The following AFF1 variants were observed in gnomAD, a reference collection of about 807,000 sequenced individuals.
The protein encoded by AFF1 is AF4/FMR2 family member 1.
A neutral mutation model predicts 121.7 loss-of-function variants in AFF1; 48 were observed. The ratio of observed to expected loss-of-function variants is 0.39; its 90% CI spans 0.31 to 0.50. AFF1 has a LOEUF of 0.50. AFF1 is among the 20% of genes least tolerant of loss of function. AFF1 has a pLI of 0.76. For missense variants in AFF1, 1,523 were observed against 1,511.7 expected, an observed-to-expected ratio of 1.01 and a Z score of -0.12; for synonymous variants, 613 against 563.0, an observed-to-expected ratio of 1.09 and a Z score of -1.26.
chr4:86,964,459 G>A (rs1722390698), intron 2 of AFF1, among the ~76,000 whole-genome samples: 1 of 137,682 alleles, frequency 7.3e-6, no homozygotes, highest in Non-Finnish European at 1.6e-5. Flanking sequence ...TTTTGAGATG[G>A]AGTTTCACTC....
chr4:87,057,832 G>A (rs1414344095), intron 4 of AFF1, among the ~76,000 whole-genome samples: 3 of 152,022 alleles, frequency 2.0e-5, no homozygotes, highest in African/African-American at 4.8e-5. Flanking sequence ...TTTCCTTAGG[G>A]GTTATCAAGC....
intron 4 of AFF1, among the ~76,000 whole-genome samples, chr4:87,067,924 T>C (rs1721538135): frequency 6.6e-6 from 1 of 152,218 alleles, no homozygotes; most frequent in South Asian, 2.1e-4. Flanking sequence ...GTGTGCTAGA[T>C]AAAAAGTAAA....
At chr4:86,948,949 G>A (rs1721064788) in intron 2 of AFF1, among the ~76,000 whole-genome samples, 1 of 152,016 alleles carries the variant, frequency 6.6e-6, no homozygotes, top group South Asian at 2.1e-4. Context: ...CTGTGAAGGA[G>A]GGAATTCCTT....
chr4:87,047,620 A>C (rs746888689), intron 4 of AFF1, 26 bp downstream of exon 4: 1 of 1,613,718 alleles, frequency 6.2e-7, no homozygotes, highest in East Asian at 2.2e-5. Flanking sequence ...TATCTTGGGG[A>C]ATTCCAATTC....
intron 2 of AFF1, among the ~76,000 whole-genome samples, chr4:86,996,972 C>G (rs1306353747): frequency 6.6e-6 from 1 of 152,112 alleles, no homozygotes; most frequent in African/African-American, 2.4e-5. Flanking sequence ...AGTGCAGTGG[C>G]ACGATCTCAG....
intron 2 of AFF1, among the ~76,000 whole-genome samples, chr4:87,023,054 A>G (rs996466921): frequency 1.3e-5 from 2 of 151,480 alleles, no homozygotes; most frequent in Non-Finnish European, 2.9e-5. Flanking sequence ...AGGCAGGCAC[A>G]CACCACCATG....
rs867875028 is a variant in AFF1, at chr4:86,960,106, A to T, written c.38+11535A>T. ...AACAAAGCTGAGGGATGACCTCTAC[A>T]TTTTTTTTTAATTAAAGGAAAACAG... On this transcript the variant is annotated intron_variant, in intron 2 of 20. Coordinates refer to ENST00000395146, the MANE Select transcript of AFF1 (RefSeq NM_001166693.3). Among the ~76,000 whole-genome samples the T allele has an allele frequency of 6.6e-5, 10 of 151,288 alleles. No individual in the cohort carries two copies. In the East Asian group the frequency reaches 1.9e-3, roughly 29 times the overall value.
At chr4:87,115,625 T>TTTTTTTTTTTTTTTTTGTC (rs397994396) in intron 12 of AFF1, among the ~76,000 whole-genome samples, 3 of 102,970 alleles carry the variant, frequency 2.9e-5, no homozygotes, top group Non-Finnish European at 5.9e-5. Context: ...TTTTTTTTTT[T>TTTTTTTTTTTTTTTTTGTC]CCAAAGACAG....
At chr4:86,982,865 A>G (rs1263946157) in intron 2 of AFF1, among the ~76,000 whole-genome samples, 1 of 145,792 alleles carries the variant, frequency 6.9e-6, no homozygotes, top group Non-Finnish European at 1.5e-5. Context: ...AAAAAAAAAA[A>G]AAAAAAAAAA....
intron 1 of AFF1, among the ~76,000 whole-genome samples, chr4:86,942,976 T>C (rs1233220036): frequency 6.6e-6 from 1 of 152,212 alleles, no homozygotes; most frequent in African/African-American, 2.4e-5. Context: ...CTAACCCATA[T>C]AATAAGCATA....
chr4:87,029,571 G>C (rs1728867003), intron 2 of AFF1, among the ~76,000 whole-genome samples: 2 of 152,164 alleles, frequency 1.3e-5, no homozygotes, highest in Non-Finnish European at 2.9e-5. Flanking sequence ...CCGCCTGCTG[G>C]AATAGATAGC....
At chr4:87,076,037 G>C (rs913893832) in intron 4 of AFF1, among the ~76,000 whole-genome samples, 8 of 152,150 alleles carry the variant, frequency 5.3e-5, no homozygotes, top group Admixed American at 5.2e-4. Context: ...GTCTGGAGGA[G>C]AAAGATTAGA....
chr4:87,021,988 A>G (rs951291468), intron 2 of AFF1, among the ~76,000 whole-genome samples: 1 of 152,144 alleles, frequency 6.6e-6, no homozygotes, highest in Non-Finnish European at 1.5e-5. Context: ...GGATCACCTG[A>G]GGTCAGGAGT....
chr4:86,938,810 G>A (rs1338614448), intron 1 of AFF1, among the ~76,000 whole-genome samples: 2 of 152,206 alleles, frequency 1.3e-5, no homozygotes, highest in Non-Finnish European at 2.9e-5. Context: ...AGACCCCAAG[G>A]TCATCAGGGT....
At chr4:87,085,830 C>T (rs1454257554) in intron 5 of AFF1, among the ~76,000 whole-genome samples, 1 of 151,702 alleles carries the variant, frequency 6.6e-6, no homozygotes, top group Non-Finnish European at 1.5e-5. Context: ...TCTCCACCTC[C>T]TGGGTTCAAG....
chr4:87,020,822 C>T lies in AFF1; in HGVS notation c.39-25344C>T, dbSNP rs1261316671. On this transcript the variant is annotated intron_variant, in intron 2 of 20. Transcript: ENST00000395146. The stretch of plus-strand genomic sequence containing the variant: ...ATGCACAGGTAGTCATCATTGTTAA[C>T]GTCGTCTTTTCAAATTGTCCTGTTT... 4 of 985,148 alleles carry T rather than the reference C, an allele frequency of 4.1e-6. No homozygotes were observed. In the Admixed American group the frequency reaches 1.8e-4, roughly 45 times the overall value. 61.0% of individuals were successfully genotyped at this position (985,148 alleles called of 1,614,324 possible).
At chr4:87,023,418 CTTA>C (rs1728226229) in intron 2 of AFF1, among the ~76,000 whole-genome samples, 1 of 145,236 alleles carries the variant, frequency 6.9e-6, no homozygotes, top group South Asian at 2.1e-4. Flanking sequence ...TACTTACTGA[CTTA>C]TTATAAAAAC....
intron 2 of AFF1, among the ~76,000 whole-genome samples, chr4:86,986,157 C>G (rs1314227161): frequency 6.6e-6 from 1 of 151,928 alleles, no homozygotes; most frequent in African/African-American, 2.4e-5. Context: ...ACTGCAACCT[C>G]CACCTCCTGG....
intron 2 of AFF1, among the ~76,000 whole-genome samples, chr4:86,958,386 C>T (rs529987262): frequency 4.6e-5 from 7 of 152,176 alleles, no homozygotes; most frequent in South Asian, 2.1e-4. Context: ...TCACCGTGCC[C>T]GGCCCCAAAC....
Sources: gnomAD v4.1 joint callset for allele counts (sites outside exome capture counted in the v4.1 genomes callset) on GRCh38, gnomAD v4.1.1 for gene constraint, MANE v1.5 for transcripts, NCBI Gene and HGNC (gene_info 2026-07-23, HGNC 2026-07-21) for gene names.